KCNN2: variants seen among roughly 807,000 people sequenced by gnomAD.
KCNN2 encodes potassium calcium-activated channel subfamily N member 2.
KCNN2 carries 24 observed loss-of-function variants against 55.5 expected under a neutral mutation model. That is an observed-to-expected ratio of 0.43 (90% CI 0.31 to 0.61). The LOEUF (loss-of-function observed/expected upper bound fraction) is 0.61. Ranked by LOEUF, KCNN2 falls within the 20% of genes least tolerant of loss-of-function variation. KCNN2 has a pLI of 0.08. For synonymous variants in KCNN2, 431 were observed against 336.1 expected (o/e 1.28, Z -3.09); for missense variants, 754 against 853.6 (o/e 0.88, Z 1.45).
chr5:114,365,761 A>G (rs1209508375), intron 2 of KCNN2, among the ~76,000 whole-genome samples: 4 of 152,268 alleles, frequency 2.6e-5, no homozygotes, highest in Admixed American at 1.3e-4. Flanking sequence ...ATGTTCTTAC[A>G]TATTTTTAAA....
At chr5:114,480,829 A>G (rs4498246) in intron 5 of KCNN2, among the ~76,000 whole-genome samples, 141,528 of 152,236 alleles carry the variant, frequency 0.93, 66,679 homozygotes, top group East Asian at 1. Context: ...CTGCATGTTA[A>G]ATGCTCTCAA....
At chr5:114,440,548 A>C (rs1760167117) in intron 3 of KCNN2, among the ~76,000 whole-genome samples, 1 of 152,092 alleles carries the variant, frequency 6.6e-6, no homozygotes, top group Non-Finnish European at 1.5e-5. Flanking sequence ...TACAAATAAC[A>C]AAACAACACC....
intron 2 of KCNN2, among the ~76,000 whole-genome samples, chr5:114,276,588 C>A (rs10045162): frequency 0.13 from 19,830 of 151,454 alleles, 1,784 homozygotes; most frequent in Non-Finnish European, 0.18. Context: ...ATGTAATGAC[C>A]CTCTTTGTCT....
At chr5:114,254,676 T>C (rs948671045) in intron 2 of KCNN2, among the ~76,000 whole-genome samples, 3 of 152,202 alleles carry the variant, frequency 2.0e-5, no homozygotes, top group African/African-American at 7.2e-5. Flanking sequence ...TTAATAGAGC[T>C]TTTGGATTAA....
chr5:114,274,030 A>G (rs1390128746), intron 2 of KCNN2, among the ~76,000 whole-genome samples: 1 of 152,184 alleles, frequency 6.6e-6, no homozygotes, highest in African/African-American at 2.4e-5. Flanking sequence ...GGTGTAAGGA[A>G]GGGGTCCAGT....
intron 1 of KCNN2, among the ~76,000 whole-genome samples, chr5:114,162,352 T>C (rs1331211057): frequency 6.6e-6 from 1 of 152,102 alleles, no homozygotes; most frequent in Admixed American, 6.5e-5. Flanking sequence ...TGCCAGATTG[T>C]TGCTTTGGAA....
At chr5:114,100,432 A>G (rs1232083225) in intron 1 of KCNN2, among the ~76,000 whole-genome samples, 1 of 152,116 alleles carries the variant, frequency 6.6e-6, no homozygotes, top group Non-Finnish European at 1.5e-5. Flanking sequence ...GATTTTGAGT[A>G]TTATAGGATT....
intron 2 of KCNN2, among the ~76,000 whole-genome samples, chr5:114,282,779 A>G (rs937600960): frequency 2.6e-5 from 4 of 152,192 alleles, no homozygotes; most frequent in Admixed American, 2.6e-4. Flanking sequence ...TATCTTTGAT[A>G]GAACCTTCTG....
At chr5:114,386,008 C>G (rs1758271054) in intron 2 of KCNN2, among the ~76,000 whole-genome samples, 1 of 150,040 alleles carries the variant, frequency 6.7e-6, no homozygotes, top group African/African-American at 2.5e-5. Flanking sequence ...GAAACCCTGT[C>G]TCTATTAAAA....
chr5:114,081,814 A>G (rs962020861), intron 1 of KCNN2, among the ~76,000 whole-genome samples: 20 of 152,296 alleles, frequency 1.3e-4, no homozygotes, highest in African/African-American at 3.4e-4. Context: ...GACAGCATCA[A>G]TGGAGTAAAA....
intron 2 of KCNN2, among the ~76,000 whole-genome samples, chr5:114,233,866 A>G (rs935130682): frequency 6.6e-6 from 1 of 152,146 alleles, no homozygotes; most frequent in Admixed American, 6.5e-5. Context: ...TATCCTCTGT[A>G]TCAGTCATCT....
At chr5:114,181,564 T>C (rs886972961) in intron 1 of KCNN2, among the ~76,000 whole-genome samples, 2 of 152,210 alleles carry the variant, frequency 1.3e-5, no homozygotes, top group Non-Finnish European at 2.9e-5. Context: ...ATATATTTTT[T>C]AGTCAAAGTT....
intron 3 of KCNN2, among the ~76,000 whole-genome samples, chr5:114,432,316 T>C (rs1164134380): frequency 6.6e-6 from 1 of 152,260 alleles, no homozygotes; most frequent in African/African-American, 2.4e-5. Flanking sequence ...TTTAACATTA[T>C]GTAATGCCCC....
intron 5 of KCNN2, among the ~76,000 whole-genome samples, chr5:114,474,966 T>A (rs536370961): frequency 6.6e-6 from 1 of 152,308 alleles, no homozygotes; most frequent in East Asian, 1.9e-4. Context: ...CCATGTTTCA[T>A]AAGCAGATTT....
At chr5:114,121,825 C>A (rs183524456) in intron 1 of KCNN2, among the ~76,000 whole-genome samples, 172 of 152,270 alleles carry the variant, frequency 1.1e-3, no homozygotes, top group Non-Finnish European at 2.2e-3. Context: ...GGAAACACTC[C>A]TTTTACCCCC....
intron 2 of KCNN2, among the ~76,000 whole-genome samples, chr5:114,310,786 A>C (rs2150025820): frequency 6.6e-6 from 1 of 152,278 alleles, no homozygotes; most frequent in South Asian, 2.1e-4. Context: ...CTGAGGGCAA[A>C]GTGGGCCATA....
At chr5:114,208,840 C>T (rs1043928222) in intron 1 of KCNN2, among the ~76,000 whole-genome samples, 3 of 152,200 alleles carry the variant, frequency 2.0e-5, no homozygotes, top group African/African-American at 7.2e-5. Flanking sequence ...GGCTCCTTAT[C>T]CTCAGGAGAC....
At chr5:114,164,352 C>T (rs1277545863) in intron 1 of KCNN2, among the ~76,000 whole-genome samples, 3 of 152,054 alleles carry the variant, frequency 2.0e-5, no homozygotes, top group African/African-American at 7.2e-5. Flanking sequence ...TTACTTTAGC[C>T]ATAACCAGTT....
At chr5:114,365,002 A>C in intron 2 of KCNN2, among the ~76,000 whole-genome samples, 1 of 152,006 alleles carries the variant, frequency 6.6e-6, no homozygotes, top group Non-Finnish European at 1.5e-5. Flanking sequence ...GCTGCCTTTC[A>C]ATTTAAAATC....
Sources: gnomAD v4.1 joint callset for allele counts (sites outside exome capture counted in the v4.1 genomes callset) on GRCh38, gnomAD v4.1.1 for gene constraint, MANE v1.5 for transcripts, NCBI Gene and HGNC (gene_info 2026-07-23, HGNC 2026-07-21) for gene names.